Variants in MAPK8 observed in about 807,000 individuals in gnomAD.
MAPK8 encodes the protein JUN N-terminal kinase.
A neutral mutation model predicts 52.9 loss-of-function variants in MAPK8; 13 were observed. The ratio of observed to expected loss-of-function variants is 0.25; its 90% confidence interval spans 0.16 to 0.39. The LOEUF (loss-of-function observed/expected upper bound fraction) is 0.39, where lower values mean the gene tolerates loss of function less well. Among genes scored for constraint, MAPK8 ranks in the 10% least tolerant of loss-of-function variants. The probability of loss-of-function intolerance (pLI) is 1.00; values close to 1 mark genes in which losing one functional copy is unlikely to be tolerated. For missense variants in MAPK8, 300 were observed against 519.2 expected (o/e 0.58, Z 4.10); for synonymous variants, 191 against 169.8 (o/e 1.12, Z -0.97).
chr10:48,344,335 C>T (rs929754560), intron 1 of MAPK8, among the ~76,000 whole-genome samples: 1 of 152,190 alleles, frequency 6.6e-6, no homozygotes, highest in African/African-American at 2.4e-5. Context: ...CTATTTATAA[C>T]TCCCTGTTGC....
At chr10:48,372,714 A>G (rs1026491675) in intron 1 of MAPK8, among the ~76,000 whole-genome samples, 1 of 152,126 alleles carries the variant, frequency 6.6e-6, no homozygotes, top group African/African-American at 2.4e-5. Context: ...TAAAGCCTCC[A>G]AGAAATATGG....
At chr10:48,413,861 T>TATATATA (rs2042916865) in intron 5 of MAPK8, among the ~76,000 whole-genome samples, 3 of 54,558 alleles carry the variant, frequency 5.5e-5, no homozygotes, top group South Asian at 5.4e-4. Flanking sequence ...ATATATATAT[T>TATATATA]CAGAAATATT....
chr10:48,404,044 A>C (rs1192469472), intron 2 of MAPK8, among the ~76,000 whole-genome samples: 1 of 151,170 alleles, frequency 6.6e-6, no homozygotes, highest in Non-Finnish European at 1.5e-5. Context: ...CGGCCTCCCA[A>C]AGTGCTGGGA....
chr10:48,407,902 A>G (rs539055561), intron 3 of MAPK8, among the ~76,000 whole-genome samples: 21 of 152,284 alleles, frequency 1.4e-4, no homozygotes, highest in African/African-American at 4.8e-4. Flanking sequence ...TAGATTTAGT[A>G]TTTGTCCAAG....
chr10:48,435,054 A>C lies in MAPK8; in HGVS notation c.*25A>C. On this transcript the variant is annotated 3_prime_UTR_variant, in exon 12 of 12. Coordinates refer to ENST00000374189, the MANE Select transcript of MAPK8 (RefSeq NM_001323329.2). Reference sequence around the variant, plus strand: ...ACTACTTGGGCCATCGGGGGGTGGGAGGGATGGGGAGTCGGTTAGTCATTG... The same window carrying C: ...ACTACTTGGGCCATCGGGGGGTGGGCGGGATGGGGAGTCGGTTAGTCATTG... The C allele has an allele frequency of 2.7e-4, 101 of 373,702 alleles. No individual in the cohort carries two copies. The highest frequency in any genetic ancestry group is 4.2e-4 in the Non-Finnish European group (84 of 199,824). 23.1% of individuals were successfully genotyped at this position (373,702 alleles called of 1,614,324 possible). A position where few individuals can be genotyped will look rare whatever the true frequency, so the allele number is the denominator to read the frequency against.
intron 10 of MAPK8, chr10:48,430,812 T>C (rs541947707): frequency 4.6e-6 from 1 of 219,422 alleles, no homozygotes; most frequent in Non-Finnish European, 8.8e-6. Flanking sequence ...GCCCAGGAAA[T>C]GGAAGTCAGT....
At chr10:48,352,780 C>CG (rs1490624191) in intron 1 of MAPK8, among the ~76,000 whole-genome samples, 1 of 152,038 alleles carries the variant, frequency 6.6e-6, no homozygotes, top group Admixed American at 6.6e-5. Flanking sequence ...GTAAAACAAG[C>CG]GGGGGGAAAG....
intron 1 of MAPK8, among the ~76,000 whole-genome samples, chr10:48,353,690 T>C (rs1039341146): frequency 6.6e-6 from 1 of 152,132 alleles, no homozygotes; most frequent in African/African-American, 2.4e-5. Context: ...TACTCAGCAA[T>C]AAGAAGGGAA....
At chr10:48,349,295 C>T (rs1031686785) in intron 1 of MAPK8, among the ~76,000 whole-genome samples, 3 of 152,168 alleles carry the variant, frequency 2.0e-5, no homozygotes, top group African/African-American at 7.2e-5. Flanking sequence ...CGATAGAACT[C>T]TCCACCCCAA....
intron 1 of MAPK8, among the ~76,000 whole-genome samples, chr10:48,386,777 A>G (rs1413108619): frequency 6.6e-6 from 1 of 152,232 alleles, no homozygotes; most frequent in Admixed American, 6.5e-5. Context: ...CCAGTGGGCC[A>G]TATAGCAAGA....
Position 48,403,810 on chromosome 10 carries a change from G to A in MAPK8, c.123-1042G>A, listed in dbSNP as rs1272949217. ...GTCGCCCAGGCTAGAGTGCAGTGGC[G>A]TGATCTTGGCTCACTGCAAGCTCCG... On this transcript the variant is annotated intron_variant, in intron 2 of 11. Transcript: ENST00000374189. Among the ~76,000 whole-genome samples the A allele has an allele frequency of 2.0e-5, 3 of 151,568 alleles. No individual in the cohort carries two copies. The East Asian group carries it at 5.8e-4, about 29-fold the overall frequency.
At chr10:48,365,985 G>A (rs1029528807) in intron 1 of MAPK8, among the ~76,000 whole-genome samples, 3 of 151,948 alleles carry the variant, frequency 2.0e-5, no homozygotes, top group African/African-American at 4.8e-5. Flanking sequence ...CATAGTTTGC[G>A]GAATGTACTT....
At chr10:48,430,948 A>G (rs1413423775) in intron 10 of MAPK8, 7 of 513,734 alleles carry the variant, frequency 1.4e-5, no homozygotes, top group Non-Finnish European at 2.1e-5. Flanking sequence ...CTATCAAACC[A>G]ACTTCAGAAA....
rs112969755 is a variant in MAPK8 at position 48,372,511 on chromosome 10, C to A, written c.-49-29101C>A. Among the ~76,000 whole-genome samples, 530 of 151,992 alleles carry A rather than the reference C, an allele frequency of 3.5e-3. 5 individuals carry two copies. The highest frequency in any genetic ancestry group is 0.012 in the African/African-American group (517 of 41,474). On this transcript the variant is annotated intron_variant, in intron 1 of 11. Coordinates refer to ENST00000374189, the MANE Select transcript of MAPK8 (RefSeq NM_001323329.2). Reference sequence around the variant, plus strand: ...AGACAAATTGCTAACTAGAATAACCCGCTTAGAGAAGAATTTAAATGACCT... The same window carrying A: ...AGACAAATTGCTAACTAGAATAACCAGCTTAGAGAAGAATTTAAATGACCT...
chr10:48,394,574 A>G (rs756670844), intron 1 of MAPK8, among the ~76,000 whole-genome samples: 24 of 151,910 alleles, frequency 1.6e-4, no homozygotes, highest in Non-Finnish European at 2.4e-4. Context: ...CTAGGATTTA[A>G]AGGGAACTTT....
At chr10:48,315,490 T>C (rs1352271117) in intron 1 of MAPK8, among the ~76,000 whole-genome samples, 1 of 152,172 alleles carries the variant, frequency 6.6e-6, no homozygotes, top group African/African-American at 2.4e-5. Flanking sequence ...ATGATGTACC[T>C]TTATATCCAA....
chr10:48,372,812 G>C (rs574821363), intron 1 of MAPK8, among the ~76,000 whole-genome samples: 13 of 152,244 alleles, frequency 8.5e-5, no homozygotes, highest in Non-Finnish European at 1.5e-4. Context: ...CACTCTTCAG[G>C]ATATTATCCA....
intron 1 of MAPK8, among the ~76,000 whole-genome samples, chr10:48,387,646 A>G (rs924850959): frequency 1.3e-5 from 2 of 152,198 alleles, no homozygotes; most frequent in Admixed American, 6.5e-5. Context: ...CAGTTTCAGT[A>G]GTACAGACAA....
chr10:48,426,998 G>A (rs1419755456), intron 9 of MAPK8, 82 bp from the exon 10 acceptor site: 1 of 948,272 alleles, frequency 1.1e-6, no homozygotes, highest in Non-Finnish European at 1.7e-6. Context: ...TAAGTCATCT[G>A]TGTGGCTAAT....
Sources: allele counts gnomAD v4.1 joint callset (sites outside exome capture counted in the v4.1 genomes callset), GRCh38; gene constraint gnomAD v4.1.1; transcripts MANE v1.5; gene names NCBI Gene and HGNC (gene_info 2026-07-23, HGNC 2026-07-21).